SPTBN4: variants seen among roughly 807,000 people sequenced by gnomAD.
SPTBN4 encodes the protein spectrin beta chain, non-erythrocytic 4.
In SPTBN4, 96 loss-of-function variants were observed where a neutral mutation model predicts 277.8. The observed-to-expected ratio is 0.35, with a 90% CI of 0.29 to 0.41. The LOEUF (loss-of-function observed/expected upper bound fraction) is 0.41. Among genes scored for constraint, SPTBN4 ranks in the 10% least tolerant of loss-of-function variants. The pLI is 1.00. For missense variants in SPTBN4, 3,006 were observed against 3,595.7 expected, an observed-to-expected ratio of 0.84 and a Z score of 4.19; for synonymous variants, 1,481 against 1,580.3, an observed-to-expected ratio of 0.94 and a Z score of 1.49.
At chr19:40,512,580 TG>T in intron 13 of SPTBN4, 25 bp from the exon 14 acceptor site, 1 of 1,508,700 alleles carries the variant, frequency 6.6e-7, no homozygotes, top group East Asian at 2.7e-5. Context: ...TGACCAATCC[TG>T]GATGCTCCCC....
intron 7 of SPTBN4, among the ~76,000 whole-genome samples, chr19:40,501,040 T>C (rs1014573875): frequency 1.3e-5 from 2 of 152,102 alleles, no homozygotes; most frequent in African/African-American, 4.8e-5. Context: ...ATGAGGATTA[T>C]CAACTATAGA....
In SPTBN4 at chr19:40,515,920, CAT is replaced by C. The variant is rs1410866309; in HGVS notation, c.2903+480_2903+481del. 1.1e-4 allele frequency among the ~76,000 whole-genome samples: 12 copies of C among 110,386 alleles called. No homozygotes were observed. The highest frequency in any genetic ancestry group is 4.6e-3 in the Middle Eastern group (1 of 218). The allele number at this position is 110,386 out of a possible 152,430, so 72.4% of individuals were successfully genotyped here. On this transcript the variant is annotated intron_variant, in intron 15 of 35. Transcript: ENST00000598249. The surrounding 1 kb of genome is among the most constrained non-coding windows in gnomAD (Gnocchi z 4.1). ...CACACAAAATATATATATACACACA[CAT>C]ATATATACACACATATATACGTATA... is the stretch of plus-strand genomic sequence containing the variant.
At chr19:40,484,755 A>G (rs139685307) in intron 2 of SPTBN4, among the ~76,000 whole-genome samples, 3,120 of 151,566 alleles carry the variant, frequency 0.021, 92 homozygotes, top group African/African-American at 0.064. Flanking sequence ...GTGAAACCCC[A>G]TCTCTACTAA....
In SPTBN4 at chr19:40,567,922, C is replaced by T. The variant is rs1388022563; in HGVS notation, c.6596C>T (p.Pro2199Leu). ...CGCATTGACCGGCTGCCGGAGATCCCGGGGAGGGTGGAGCCCGCGGCCCTG... is the reference window on the plus strand; with the variant it reads ...CGCATTGACCGGCTGCCGGAGATCCTGGGGAGGGTGGAGCCCGCGGCCCTG... ...QPRIDRLPEI[P>L]GRVEPAALPA... The change falls in exon 31 of 36, where the codon CCG becomes CTG. Residue 2199 changes from proline to leucine, a missense_variant. This residue lies in a region of SPTBN4 where 630 missense variants were observed against 677.6 expected (regional missense o/e 0.93). Coordinates refer to ENST00000598249, the MANE Select transcript of SPTBN4 (RefSeq NM_020971.3). 2.0e-6 allele frequency: 3 copies of T among 1,520,930 alleles called. No individual in the cohort carries two copies. In the East Asian group the frequency reaches 8.0e-5, roughly 41 times the overall value. 94.2% of individuals were successfully genotyped at this position (1,520,930 alleles called of 1,614,324 possible).
chr19:40,529,243 T>C (rs2080632687), intron 18 of SPTBN4, 112 bp downstream of exon 18: 1 of 1,063,154 alleles, frequency 9.4e-7, no homozygotes. Flanking sequence ...CGCGGAGCGA[T>C]GCTCGCTCTA....
chr19:40,498,714 A>G (rs1361856743), intron 7 of SPTBN4, among the ~76,000 whole-genome samples: 1 of 108,742 alleles, frequency 9.2e-6, no homozygotes, highest in Non-Finnish European at 2.0e-5. Flanking sequence ...TATTTATTTA[A>G]TTTTTGAGAC....
chr19:40,550,117 T>C lies in SPTBN4; in HGVS notation c.4585-121T>C, dbSNP rs868755183. The C allele has an allele frequency of 3.3e-5, 23 of 695,332 alleles. No homozygotes were observed. In the Middle Eastern group the frequency reaches 1.1e-3, roughly 33 times the overall value. 43.1% of individuals were successfully genotyped at this position (695,332 alleles called of 1,614,324 possible). A position where few individuals can be genotyped will look rare whatever the true frequency, so the allele number is the denominator to read the frequency against. Reference sequence around the variant, plus strand: ...AAAACAAAAAATGGAGGAGGCTGAATATTCAACTGGGCTCTTAGGCAAGGA... The same window carrying C: ...AAAACAAAAAATGGAGGAGGCTGAACATTCAACTGGGCTCTTAGGCAAGGA... On this transcript the variant is annotated intron_variant, in intron 21 of 35. Transcript: ENST00000598249.
intron 20 of SPTBN4, among the ~76,000 whole-genome samples, chr19:40,540,635 G>T (rs1281803170): frequency 6.6e-6 from 1 of 151,578 alleles, no homozygotes; most frequent in Non-Finnish European, 1.5e-5. Flanking sequence ...CAGGAGGATC[G>T]CTTGAGCCCA....
intron 20 of SPTBN4, 56 bp from the exon 21 acceptor site, chr19:40,549,133 C>T: frequency 7.0e-7 from 1 of 1,431,092 alleles, no homozygotes; most frequent in African/African-American, 1.4e-5. Context: ...ACTGGAGAGC[C>T]ACAGCAGGAT....
chr19:40,528,596 C>T (rs1013184298), intron 17 of SPTBN4, among the ~76,000 whole-genome samples: 3 of 152,162 alleles, frequency 2.0e-5, no homozygotes, highest in African/African-American at 2.4e-5. Flanking sequence ...TCTCTTTCGT[C>T]GTCTGCTGCT....
intron 13 of SPTBN4, among the ~76,000 whole-genome samples, chr19:40,506,720 A>G (rs1292350925): frequency 2.6e-5 from 4 of 152,096 alleles, no homozygotes; most frequent in Admixed American, 6.5e-5. Flanking sequence ...GCTCATGCCT[A>G]TAATTCCAGC....
intron 14 of SPTBN4, 59 bp downstream of exon 14, chr19:40,513,613 C>T (rs2080421137): frequency 2.8e-6 from 4 of 1,434,000 alleles, no homozygotes; most frequent in Non-Finnish European, 3.7e-6. Flanking sequence ...GTCTCACCTT[C>T]ATTGGCTCAA....
At chr19:40,505,584 C>T (rs1388723917) in intron 12 of SPTBN4, among the ~76,000 whole-genome samples, 1 of 151,676 alleles carries the variant, frequency 6.6e-6, no homozygotes, top group Non-Finnish European at 1.5e-5. Context: ...GCAGGAGAAT[C>T]ACTTGAACCT....
chr19:40,527,408 A>G lies in SPTBN4; in HGVS notation c.3858-1633A>G, dbSNP rs56266631. Among the ~76,000 whole-genome samples, 292 of 152,186 alleles carry G rather than the reference A, an allele frequency of 1.9e-3. 2 individuals carry two copies. The highest frequency in any genetic ancestry group is 6.6e-3 in the African/African-American group (274 of 41,544). ...GGGGACACATCTATGAACAAAACAG[A>G]CAAAAATCCCTGCCCTCATGGAAAT... On this transcript the variant is annotated intron_variant, in intron 17 of 35. Transcript: ENST00000598249.
chr19:40,543,104 A>C (rs1667270683), intron 20 of SPTBN4, among the ~76,000 whole-genome samples: 2 of 152,192 alleles, frequency 1.3e-5, no homozygotes, highest in South Asian at 4.1e-4. Flanking sequence ...CCAACTTAGG[A>C]AGCCCATGGG....
rs114498711 is a variant in SPTBN4 at position 40,481,888 on chromosome 19, T to C, written c.170-5809T>C. Among the ~76,000 whole-genome samples, 428 of 152,286 alleles carry C rather than the reference T, an allele frequency of 2.8e-3. 1 individual carries two copies. The highest frequency in any genetic ancestry group is 9.8e-3 in the African/African-American group (406 of 41,570). On this transcript the variant is annotated intron_variant, in intron 2 of 35. Coordinates refer to ENST00000598249, the MANE Select transcript of SPTBN4 (RefSeq NM_020971.3). ...ACGAAGAAGGTGAAGCACATTTTCA[T>C]ACATTTATTGGCCATTCAAATATCC...
chr19:40,515,245 A>G lies in SPTBN4; in HGVS notation c.2766-66A>G. 6.4e-7 allele frequency: 1 copy of G among 1,562,388 alleles called. No individual in the cohort carries two copies. Among genetic ancestry groups the G allele is most frequent in the African/African-American group, 1.4e-5 (1 of 73,668 alleles). Reference sequence around the variant, plus strand: ...ATTGAGAATTAGGAGTAGAACCAGTAGAAGGTATTTCATAAAACCAAGGTC... The same window carrying G: ...ATTGAGAATTAGGAGTAGAACCAGTGGAAGGTATTTCATAAAACCAAGGTC... On this transcript the variant is annotated intron_variant, in intron 14 of 35. Coordinates refer to ENST00000598249, the MANE Select transcript of SPTBN4 (RefSeq NM_020971.3). This position sits in a 1 kb window ranked among gnomAD's most constrained non-coding sequence, Gnocchi z 4.1.
At chr19:40,530,689 G>A (rs1599771091) in intron 18 of SPTBN4, 1 of 564,406 alleles carries the variant, frequency 1.8e-6, no homozygotes, top group Non-Finnish European at 2.2e-6. Context: ...GCCGCGGGAG[G>A]GAGGGGCGGG....
Position 40,560,588 on chromosome 19 carries a change from T to A in SPTBN4, c.5915+185T>A, listed in dbSNP as rs987155534. 53 of 1,462,902 alleles carry A rather than the reference T, an allele frequency of 3.6e-5. No homozygotes were observed. The South Asian group carries it at 6.5e-4, about 18-fold the overall frequency. 90.6% of individuals were successfully genotyped at this position (1,462,902 alleles called of 1,614,324 possible). ...CAGACCCCTTTTTTAGGCCTGTCAT[T>A]GGGGACTTCGGTCATGGGGCATCCT... On this transcript the variant is annotated intron_variant, in intron 27 of 35. Transcript: ENST00000598249. This position sits in a 1 kb window ranked among gnomAD's most constrained non-coding sequence, Gnocchi z 5.2.
Sources: gnomAD v4.1 joint callset for allele counts (sites outside exome capture counted in the v4.1 genomes callset) on GRCh38, gnomAD v4.1.1 for gene constraint, gnomAD v4.1.1 regional missense constraint, Gnocchi (gnomAD v3.1) non-coding constraint, MANE v1.5 for transcripts, NCBI Gene and HGNC (gene_info 2026-07-23, HGNC 2026-07-21) for gene names.